Variants in KCNH7 observed in about 807,000 individuals in gnomAD.
The protein encoded by KCNH7 is potassium voltage-gated channel subfamily H member 7.
A neutral mutation model predicts 120.8 loss-of-function variants in KCNH7; 49 were observed. The observed-to-expected ratio is 0.41, with a 90% CI of 0.32 to 0.51. The LOEUF is 0.51. Ranked by LOEUF, KCNH7 falls within the 20% of genes least tolerant of loss-of-function variation. The pLI is 0.38. For missense variants in KCNH7, 1,097 were observed against 1,446.6 expected (o/e 0.76, Z 3.92); for synonymous variants, 547 against 516.1 (o/e 1.06, Z -0.81).
intron 3 of KCNH7, among the ~76,000 whole-genome samples, chr2:162,529,254 T>C (rs1380501714): frequency 6.6e-6 from 1 of 151,964 alleles, no homozygotes; most frequent in African/African-American, 2.4e-5. Flanking sequence ...GAATGAATAT[T>C]AAAAGCAGCT....
intron 2 of KCNH7, among the ~76,000 whole-genome samples, chr2:162,695,863 A>G (rs1325820440): frequency 6.6e-6 from 1 of 152,182 alleles, no homozygotes; most frequent in Non-Finnish European, 1.5e-5. Flanking sequence ...GGGTAAAGGA[A>G]CAACTACATG....
At chr2:162,385,677 GT>G (rs1686551499) in intron 12 of KCNH7, among the ~76,000 whole-genome samples, 1 of 151,970 alleles carries the variant, frequency 6.6e-6, no homozygotes, top group Non-Finnish European at 1.5e-5. Flanking sequence ...TTCTATTAGT[GT>G]CCTGGGGAGA....
At chr2:162,460,080 T>G in intron 6 of KCNH7, among the ~76,000 whole-genome samples, 2 of 121,616 alleles carry the variant, frequency 1.6e-5, no homozygotes, top group Admixed American at 1.1e-4. Flanking sequence ...GGTGACAGAG[T>G]GAGACTCCAT....
At chr2:162,762,262 CAT>C (rs1361651105) in intron 2 of KCNH7, among the ~76,000 whole-genome samples, 2 of 151,198 alleles carry the variant, frequency 1.3e-5, no homozygotes, top group Admixed American at 6.6e-5. Flanking sequence ...CAAGAAATAA[CAT>C]ATATATGTAT....
At chr2:162,562,595 A>T (rs1480829697) in intron 2 of KCNH7, among the ~76,000 whole-genome samples, 1 of 152,200 alleles carries the variant, frequency 6.6e-6, no homozygotes, top group Non-Finnish European at 1.5e-5. Flanking sequence ...ACGACTGAGC[A>T]TGGGAGGTGA....
chr2:162,830,327 T>C (rs1045419069), intron 2 of KCNH7, among the ~76,000 whole-genome samples: 2 of 152,182 alleles, frequency 1.3e-5, no homozygotes, highest in African/African-American at 2.4e-5. Context: ...CAATCAAGTA[T>C]GACTGGATCA....
At chr2:162,827,651 A>G (rs1685334776) in intron 2 of KCNH7, among the ~76,000 whole-genome samples, 1 of 152,166 alleles carries the variant, frequency 6.6e-6, no homozygotes, top group Admixed American at 6.6e-5. Context: ...TCTATGTTTA[A>G]GAACTGGAAC....
At chr2:162,756,596 C>T (rs1452011527) in intron 2 of KCNH7, among the ~76,000 whole-genome samples, 1 of 152,102 alleles carries the variant, frequency 6.6e-6, no homozygotes, top group Admixed American at 6.6e-5. Flanking sequence ...TCCTGAATAG[C>T]TGGGACTACA....
intron 2 of KCNH7, among the ~76,000 whole-genome samples, chr2:162,572,917 G>T (rs369934191): frequency 1.3e-5 from 2 of 152,038 alleles, no homozygotes; most frequent in Non-Finnish European, 2.9e-5. Context: ...GAAGGGCGGA[G>T]GGATAGCATT....
intron 12 of KCNH7, among the ~76,000 whole-genome samples, chr2:162,387,582 A>T (rs1262876806): frequency 3.3e-5 from 5 of 151,640 alleles, no homozygotes; most frequent in African/African-American, 1.2e-4. Context: ...CATTTTATAT[A>T]AAGAAAAAGT....
chr2:162,420,436 T>G (rs1485635428), intron 9 of KCNH7, among the ~76,000 whole-genome samples: 1 of 152,108 alleles, frequency 6.6e-6, no homozygotes, highest in African/African-American at 2.4e-5. Context: ...ATTCTTTCAC[T>G]GGCTTCATTA....
chr2:162,501,473 G>A (rs1283347069), intron 6 of KCNH7, among the ~76,000 whole-genome samples: 1 of 152,026 alleles, frequency 6.6e-6, no homozygotes, highest in Middle Eastern at 3.4e-3. Context: ...TCTTTCTGTG[G>A]GCCTCAGATT....
intron 2 of KCNH7, among the ~76,000 whole-genome samples, chr2:162,612,283 G>C (rs1682994845): frequency 6.6e-6 from 1 of 152,136 alleles, no homozygotes; most frequent in South Asian, 2.1e-4. Context: ...GGTTATGTAA[G>C]TTTATATCAG....
At chr2:162,493,129 C>T (rs893484695) in intron 6 of KCNH7, among the ~76,000 whole-genome samples, 18 of 151,972 alleles carry the variant, frequency 1.2e-4, no homozygotes, top group African/African-American at 4.1e-4. Context: ...CCAGGTATGC[C>T]TGCTTTTTGG....
chr2:162,657,505 C>A (rs1204593510), intron 2 of KCNH7, among the ~76,000 whole-genome samples: 1 of 152,108 alleles, frequency 6.6e-6, no homozygotes, highest in Non-Finnish European at 1.5e-5. Flanking sequence ...CTTTTTATTA[C>A]TATTTATTTA....
chr2:162,738,892 T>A (rs1688016689), intron 2 of KCNH7, among the ~76,000 whole-genome samples: 1 of 152,192 alleles, frequency 6.6e-6, no homozygotes, highest in Admixed American at 6.5e-5. Flanking sequence ...GCAGTTTATG[T>A]TTTTTATAGG....
At chr2:162,705,036 A>G (rs527558636) in intron 2 of KCNH7, among the ~76,000 whole-genome samples, 416 of 152,268 alleles carry the variant, frequency 2.7e-3, no homozygotes, top group African/African-American at 9.7e-3. Context: ...ATCATAATTC[A>G]TGTCTATTAT....
intron 12 of KCNH7, among the ~76,000 whole-genome samples, chr2:162,389,380 T>C: frequency 6.6e-6 from 1 of 152,150 alleles, no homozygotes; most frequent in East Asian, 1.9e-4. Context: ...AATTATTTTC[T>C]TTCTGACGCA....
chr2:162,557,868 A>G (rs997223861), intron 2 of KCNH7, among the ~76,000 whole-genome samples: 78 of 152,326 alleles, frequency 5.1e-4, no homozygotes, highest in African/African-American at 1.8e-3. Flanking sequence ...GATAAAGGTA[A>G]GCAGTAAAAG....
Sources: allele counts gnomAD v4.1 joint callset (sites outside exome capture counted in the v4.1 genomes callset), GRCh38; gene constraint gnomAD v4.1.1; transcripts MANE v1.5; gene names NCBI Gene and HGNC (gene_info 2026-07-23, HGNC 2026-07-21).